MRPL47: variants seen among roughly 807,000 people sequenced by gnomAD.
The protein encoded by MRPL47 is large ribosomal subunit protein uL29m.
A neutral mutation model predicts 34.0 loss-of-function variants in MRPL47; 31 were observed. That is an observed-to-expected ratio of 0.91 (90% confidence interval 0.68 to 1.23). MRPL47 has a LOEUF of 1.23. MRPL47 is among the 50% of genes most tolerant of loss of function. The pLI is 0.00. For missense variants in MRPL47, 328 were observed against 285.8 expected, an observed-to-expected ratio of 1.15 and a Z score of -1.07; for synonymous variants, 106 against 101.6, an observed-to-expected ratio of 1.04 and a Z score of -0.26.
At chr3:179,602,261 T>C (rs1450082049) in intron 2 of MRPL47, among the ~76,000 whole-genome samples, 1 of 152,152 alleles carries the variant, frequency 6.6e-6, no homozygotes, top group Non-Finnish European at 1.5e-5. Flanking sequence ...GGAGAATCAC[T>C]GGAATCCGAG....
chr3:179,599,317 A>G (rs1455134734), intron 3 of MRPL47, among the ~76,000 whole-genome samples: 1 of 152,248 alleles, frequency 6.6e-6, no homozygotes, highest in African/African-American at 2.4e-5. Flanking sequence ...AGCTACAAAG[A>G]GGCATAAAAC....
At chr3:179,592,924 T>C (rs1466454877) in intron 5 of MRPL47, among the ~76,000 whole-genome samples, 185 bp from the exon 6 acceptor site, 1 of 152,208 alleles carries the variant, frequency 6.6e-6, no homozygotes, top group African/African-American at 2.4e-5. Context: ...TAAAAGAACC[T>C]ACCGAATGAG....
At chr3:179,595,652 T>C (rs1488040326) in intron 4 of MRPL47, among the ~76,000 whole-genome samples, 1 of 152,236 alleles carries the variant, frequency 6.6e-6, no homozygotes, top group African/African-American at 2.4e-5. Context: ...GGCTTCCAGC[T>C]GAAATCCAGT....
Position 179,593,023 on chromosome 3 carries a change from T to C in MRPL47, c.534-284A>G, listed in dbSNP as rs535989125. Among the ~76,000 whole-genome samples, 15 of 152,338 alleles carry C rather than the reference T, an allele frequency of 9.8e-5. No individual in the cohort carries two copies. In the East Asian group the frequency reaches 2.7e-3, roughly 27 times the overall value. On this transcript the variant is annotated intron_variant, in intron 5 of 6. Transcript: ENST00000476781. ...ATTCTGCCTACGTTTAAAAGTCTAA[T>C]GATATTTCATCTTGGTTGTTCAGCC...
intron 2 of MRPL47, among the ~76,000 whole-genome samples, chr3:179,602,010 G>C (rs1176260367): frequency 2.0e-5 from 3 of 152,166 alleles, no homozygotes; most frequent in Non-Finnish European, 2.9e-5. Context: ...GTTAGCATTA[G>C]TACAGAACGT....
chr3:179,597,292 G>C (rs1038378975), intron 4 of MRPL47, among the ~76,000 whole-genome samples: 8 of 152,128 alleles, frequency 5.3e-5, no homozygotes, highest in African/African-American at 1.9e-4. Flanking sequence ...TACCTTCTTT[G>C]ATTTTCTCCA....
chr3:179,600,233 T>G (rs1015682582), intron 3 of MRPL47, among the ~76,000 whole-genome samples: 2 of 152,200 alleles, frequency 1.3e-5, no homozygotes, highest in Non-Finnish European at 2.9e-5. Flanking sequence ...TAACTAATAG[T>G]GCTTTAATAC....
chr3:179,590,565 C>G (rs1241254398), intron 6 of MRPL47, among the ~76,000 whole-genome samples: 1 of 151,942 alleles, frequency 6.6e-6, no homozygotes, highest in African/African-American at 2.4e-5. Context: ...ACTTAGGAAA[C>G]AAGGCAAGAG....
At position 179,588,923 on chromosome 3, in the gene MRPL47, A is replaced by C; in HGVS notation, c.702T>G (p.Leu234=). Residue 234 remains leucine (L), a synonymous_variant, in exon 7 of 7, where the codon CTT becomes CTG. Transcript: ENST00000476781. ...CAGCAAGATGTGGAAACTTTTTTAA[A>C]AGAATTTTTGCTTTCTTTCTCTCTA... ...ENLERKKAKI[L]LKKFPHLAEA... 5.0e-6 allele frequency: 8 copies of C among 1,613,836 alleles called. No individual in the cohort carries two copies. The highest frequency in any genetic ancestry group is 4.2e-6 in the Non-Finnish European group (5 of 1,179,840).
At position 179,593,775 on chromosome 3, in the gene MRPL47, T is replaced by C. The variant is rs1718727772; in HGVS notation, c.523A>G (p.Arg175Gly). ...GTGTTAACTACATACCAGATGATTCTTCCAAAGATGTCTCTTCTCCAAGCA... is the reference window on the plus strand; with the variant it reads ...GTGTTAACTACATACCAGATGATTCCTCCAAAGATGTCTCTTCTCCAAGCA... ...PGAWRRDIFGRIIWHKFKQWV... is the reference protein window; with the variant it reads ...PGAWRRDIFGGIIWHKFKQWV... Residue 175 changes from arginine (R) to glycine (G), a missense_variant, in exon 5 of 7, where the codon AGA (arginine) becomes GGA (glycine). Transcript: ENST00000476781. 1.2e-6 allele frequency: 2 copies of C among 1,613,428 alleles called. No individual in the cohort carries two copies. Among genetic ancestry groups the C allele is most frequent in the African/African-American group, 1.3e-5 (1 of 74,906 alleles).
At chr3:179,599,904 T>A (rs1388009356) in intron 3 of MRPL47, among the ~76,000 whole-genome samples, 1 of 152,126 alleles carries the variant, frequency 6.6e-6, no homozygotes, top group Non-Finnish European at 1.5e-5. Flanking sequence ...GGCAGGTGGA[T>A]CACTTGAGGT....
intron 5 of MRPL47, among the ~76,000 whole-genome samples, chr3:179,593,118 G>A (rs932418533): frequency 3.9e-5 from 6 of 152,134 alleles, no homozygotes; most frequent in African/African-American, 9.7e-5. Context: ...CCCCACCGAA[G>A]GAGGTTTATT....
chr3:179,591,805 T>C (rs1177124164), intron 6 of MRPL47, among the ~76,000 whole-genome samples: 4 of 152,140 alleles, frequency 2.6e-5, no homozygotes, highest in Admixed American at 6.6e-5. Context: ...AAAGGATACA[T>C]ACTACAATGT....
At chr3:179,604,152 T>C (rs1237558844) in intron 1 of MRPL47, among the ~76,000 whole-genome samples, 1 of 152,218 alleles carries the variant, frequency 6.6e-6, no homozygotes, top group African/African-American at 2.4e-5. Context: ...ATATCTCTTC[T>C]TTTTTAATCC....
rs1317907773 is a variant in MRPL47, at chr3:179,602,815, TAAAC to T, written c.99-22_99-19del. On this transcript the variant is annotated intron_variant, in intron 1 of 6. Transcript: ENST00000476781. ...GAAAAAACCTGCAATTGAACACACA[TAAAC>T]AAGTAAAAGTTTTATAATATCTGGA... 14 of 1,571,478 alleles carry T rather than the reference TAAAC, an allele frequency of 8.9e-6. No homozygotes were observed. The highest frequency in any genetic ancestry group is 1.2e-5 in the Non-Finnish European group (14 of 1,164,868).
Position 179,588,747 on chromosome 3 carries a change from G to C in MRPL47, c.*125C>G, listed in dbSNP as rs1718587028. 2.1e-6 allele frequency: 2 copies of C among 932,622 alleles called. No individual in the cohort carries two copies. 57.8% of individuals were successfully genotyped at this position (932,622 alleles called of 1,614,324 possible). A position where few individuals can be genotyped will look rare whatever the true frequency, so the allele number is the denominator to read the frequency against. ...AATTAGCATGCCATATTCACACTTA[G>C]AACAACTGATTAGTAAAGTCACTTG... On this transcript the variant is annotated 3_prime_UTR_variant, in exon 7 of 7. Transcript: ENST00000476781.
intron 3 of MRPL47, among the ~76,000 whole-genome samples, chr3:179,600,867 AAAT>A (rs941215380): frequency 3.3e-5 from 5 of 152,124 alleles, no homozygotes; most frequent in Admixed American, 6.5e-5. Flanking sequence ...GAGCCGACAA[AAAT>A]AATATTTTCT....
At chr3:179,594,312 T>C (rs971534838) in intron 4 of MRPL47, among the ~76,000 whole-genome samples, 1 of 152,198 alleles carries the variant, frequency 6.6e-6, no homozygotes, top group African/African-American at 2.4e-5. Flanking sequence ...CAGACACAGA[T>C]ATTGTGGCCT....
intron 4 of MRPL47, among the ~76,000 whole-genome samples, chr3:179,596,333 A>AT (rs11338795): frequency 6.6e-6 from 1 of 152,000 alleles, no homozygotes; most frequent in African/African-American, 2.4e-5. Flanking sequence ...TATATTGAGA[A>AT]TTTTTTTTAC....
Sources: gnomAD v4.1 joint callset for allele counts (sites outside exome capture counted in the v4.1 genomes callset) on GRCh38, gnomAD v4.1.1 for gene constraint, MANE v1.5 for transcripts, NCBI Gene and HGNC (gene_info 2026-07-23, HGNC 2026-07-21) for gene names.